CACNA2D3: variants seen among roughly 807,000 people sequenced by gnomAD.
CACNA2D3 encodes the protein voltage-dependent calcium channel subunit alpha-2/delta-3.
Under a neutral mutation model 160.6 loss-of-function variants are expected in CACNA2D3, and 60 were observed. That is an observed-to-expected ratio of 0.37 (90% CI 0.30 to 0.46). The LOEUF (loss-of-function observed/expected upper bound fraction) is 0.46. CACNA2D3 is among the 20% of genes least tolerant of loss of function. The pLI is 1.00. For missense variants in CACNA2D3, 1,205 were observed against 1,365.0 expected, an observed-to-expected ratio of 0.88 and a Z score of 1.85; for synonymous variants, 558 against 492.9, an observed-to-expected ratio of 1.13 and a Z score of -1.75.
chr3:55,004,696 T>A lies in CACNA2D3; in HGVS notation c.2691-67T>A, dbSNP rs17054683. The stretch of plus-strand genomic sequence containing the variant: ...ATGATAGTGACTGCTCACCTTGTAG[T>A]ACATAGCATCAATTGGTTCCCGTGT... On this transcript the variant is annotated intron_variant, in intron 31 of 37. Coordinates refer to ENST00000474759, the MANE Select transcript of CACNA2D3 (RefSeq NM_018398.3). 2.6e-3 allele frequency: 2,667 copies of A among 1,026,292 alleles called. 55 individuals carry two copies. The African/African-American group carries it at 0.036, about 14-fold the overall frequency. 63.6% of individuals were successfully genotyped at this position (1,026,292 alleles called of 1,614,324 possible).
At chr3:54,617,694 TTATC>T (rs1245309279) in intron 9 of CACNA2D3, among the ~76,000 whole-genome samples, 1 of 152,226 alleles carries the variant, frequency 6.6e-6, no homozygotes, top group African/African-American at 2.4e-5. Flanking sequence ...CATCCTATAT[TTATC>T]TGGCAACCAT....
intron 29 of CACNA2D3, among the ~76,000 whole-genome samples, chr3:54,975,533 A>C (rs1271542118): frequency 4.8e-5 from 7 of 145,112 alleles, no homozygotes; most frequent in Non-Finnish European, 1.1e-4. Context: ...AAAAAAAAAA[A>C]AAAAAAAAAA....
chr3:54,972,069 C>T (rs1039282414), intron 29 of CACNA2D3, among the ~76,000 whole-genome samples: 1 of 152,066 alleles, frequency 6.6e-6, no homozygotes, highest in Non-Finnish European at 1.5e-5. Flanking sequence ...GGATTTGAAA[C>T]CTCAGACAGC....
chr3:54,857,527 C>T (rs1699199408), intron 17 of CACNA2D3, among the ~76,000 whole-genome samples: 1 of 152,166 alleles, frequency 6.6e-6, no homozygotes, highest in South Asian at 2.1e-4. Flanking sequence ...TCCCAGAGTT[C>T]CCTGATGGGA....
intron 11 of CACNA2D3, among the ~76,000 whole-genome samples, chr3:54,730,458 T>C (rs1202299602): frequency 6.6e-6 from 1 of 152,164 alleles, no homozygotes; most frequent in Non-Finnish European, 1.5e-5. Flanking sequence ...GTGTTTTGCC[T>C]CCTTTGGGGC....
chr3:54,656,376 C>T (rs2106873044), intron 11 of CACNA2D3, among the ~76,000 whole-genome samples: 1 of 152,352 alleles, frequency 6.6e-6, no homozygotes, highest in South Asian at 2.1e-4. Context: ...TGTGAACTGG[C>T]TGGGACCCCA....
At chr3:54,312,353 T>C (rs921220267) in intron 2 of CACNA2D3, among the ~76,000 whole-genome samples, 6 of 152,200 alleles carry the variant, frequency 3.9e-5, no homozygotes, top group African/African-American at 1.2e-4. Flanking sequence ...TGGCTAATGA[T>C]GCTTCCTGCA....
chr3:54,567,701 A>G (rs560046002), intron 6 of CACNA2D3, among the ~76,000 whole-genome samples: 1 of 152,202 alleles, frequency 6.6e-6, no homozygotes, highest in South Asian at 2.1e-4. Flanking sequence ...ACACCTGGCT[A>G]ATTGTTGCAG....
intron 2 of CACNA2D3, among the ~76,000 whole-genome samples, chr3:54,283,786 AT>A: frequency 7.4e-6 from 1 of 135,240 alleles, no homozygotes; most frequent in Admixed American, 7.4e-5. Flanking sequence ...GAGGCTGCTG[AT>A]TTTTTTTAAA....
At chr3:54,210,052 G>C (rs1452139891) in intron 2 of CACNA2D3, among the ~76,000 whole-genome samples, 1 of 152,148 alleles carries the variant, frequency 6.6e-6, no homozygotes, top group Non-Finnish European at 1.5e-5. Flanking sequence ...TCCATACCTT[G>C]ATGGGGCTTA....
intron 2 of CACNA2D3, among the ~76,000 whole-genome samples, chr3:54,283,161 A>G (rs1350079705): frequency 1.3e-5 from 2 of 152,216 alleles, no homozygotes; most frequent in Non-Finnish European, 1.5e-5. Flanking sequence ...GTGAGAAGTA[A>G]TGTTGTCCAA....
At chr3:54,717,741 TGTG>T (rs1174902942) in intron 11 of CACNA2D3, among the ~76,000 whole-genome samples, 3 of 132,742 alleles carry the variant, frequency 2.3e-5, no homozygotes, top group Admixed American at 7.9e-5. Context: ...TGTGTGCATG[TGTG>T]GTGTGGTGTG....
At chr3:54,866,154 C>T (rs1265383391) in intron 17 of CACNA2D3, among the ~76,000 whole-genome samples, 2 of 151,962 alleles carry the variant, frequency 1.3e-5, no homozygotes, top group Non-Finnish European at 2.9e-5. Flanking sequence ...AGGCCTGGCA[C>T]AGAGCCTGAG....
intron 2 of CACNA2D3, among the ~76,000 whole-genome samples, chr3:54,283,573 G>T (rs922484672): frequency 6.6e-6 from 1 of 152,176 alleles, no homozygotes. Context: ...CTGTGTTTCT[G>T]GCTTTCATTG....
At chr3:54,764,970 G>A (rs1285327654) in intron 13 of CACNA2D3, among the ~76,000 whole-genome samples, 1 of 152,174 alleles carries the variant, frequency 6.6e-6, no homozygotes, top group African/African-American at 2.4e-5. Flanking sequence ...TGGCTCAATG[G>A]CTGGGTTTCT....
chr3:54,792,133 C>A (rs2106649290), intron 13 of CACNA2D3, among the ~76,000 whole-genome samples: 1 of 152,312 alleles, frequency 6.6e-6, no homozygotes, highest in African/African-American at 2.4e-5. Flanking sequence ...GAGTGTGACA[C>A]CTGAGTGTTT....
intron 34 of CACNA2D3, among the ~76,000 whole-genome samples, chr3:55,016,605 C>T (rs1703332018): frequency 6.6e-6 from 1 of 152,202 alleles, no homozygotes; most frequent in Non-Finnish European, 1.5e-5. Flanking sequence ...GCAGGCTTCA[C>T]TCTGCTAAGA....
intron 26 of CACNA2D3, among the ~76,000 whole-genome samples, chr3:54,897,231 C>T (rs1700211923): frequency 6.6e-6 from 1 of 152,142 alleles, no homozygotes; most frequent in African/African-American, 2.4e-5. Flanking sequence ...AGTCACATCC[C>T]TGCAGAGGTC....
At chr3:54,636,592 A>G (rs965554587) in intron 10 of CACNA2D3, among the ~76,000 whole-genome samples, 2 of 152,058 alleles carry the variant, frequency 1.3e-5, no homozygotes, top group Non-Finnish European at 2.9e-5. Context: ...CATGAGGGCT[A>G]GGCTAAAACA....
Sources: allele counts gnomAD v4.1 joint callset (sites outside exome capture counted in the v4.1 genomes callset), GRCh38; gene constraint gnomAD v4.1.1; transcripts MANE v1.5; gene names NCBI Gene and HGNC (gene_info 2026-07-23, HGNC 2026-07-21).